KIF26B: variants seen among roughly 807,000 people sequenced by gnomAD.
KIF26B encodes the protein kinesin-like protein KIF26B.
A neutral mutation model predicts 151.2 loss-of-function variants in KIF26B; 63 were observed. The observed-to-expected ratio is 0.42, with a 90% confidence interval of 0.34 to 0.51. The LOEUF (loss-of-function observed/expected upper bound fraction) is 0.51, where lower values mean the gene tolerates loss of function less well. KIF26B is among the 20% of genes least tolerant of loss of function. The pLI is 0.07. For synonymous variants in KIF26B, 1,357 were observed against 1,262.1 expected (o/e 1.08, Z -1.59); for missense variants, 2,813 against 2,913.6 (o/e 0.97, Z 0.79).
At chr1:245,566,317 A>G (rs1013972800) in intron 5 of KIF26B, among the ~76,000 whole-genome samples, 1 of 152,164 alleles carries the variant, frequency 6.6e-6, no homozygotes, top group African/African-American at 2.4e-5. Context: ...TTTTCAGTTC[A>G]CACTTTATGC....
At chr1:245,622,297 C>T (rs1024537494) in intron 9 of KIF26B, among the ~76,000 whole-genome samples, 4 of 152,146 alleles carry the variant, frequency 2.6e-5, no homozygotes, top group African/African-American at 7.2e-5. Context: ...CATAGACGTG[C>T]CAGTAGCTGG....
chr1:245,535,255 T>A (rs890922514), intron 4 of KIF26B, among the ~76,000 whole-genome samples: 1 of 152,174 alleles, frequency 6.6e-6, no homozygotes, highest in Non-Finnish European at 1.5e-5. Context: ...TAAAAAAAGA[T>A]CAAACAGCTG....
At chr1:245,405,526 A>G (rs551940849) in intron 3 of KIF26B, among the ~76,000 whole-genome samples, 2 of 152,240 alleles carry the variant, frequency 1.3e-5, no homozygotes, top group South Asian at 4.2e-4. Context: ...ATTTGGGTAG[A>G]ACTGAGCCCC....
chr1:245,325,777 A>G (rs1221395457), intron 2 of KIF26B, among the ~76,000 whole-genome samples: 2 of 152,164 alleles, frequency 1.3e-5, no homozygotes, highest in South Asian at 2.1e-4. Context: ...AGGAACGTCA[A>G]TTCAATCCAA....
chr1:245,547,552 C>T (rs1036611478), intron 5 of KIF26B, among the ~76,000 whole-genome samples: 2 of 147,560 alleles, frequency 1.4e-5, no homozygotes, highest in African/African-American at 5.1e-5. Context: ...CACCACTGCA[C>T]TCCAGGCTGG....
At chr1:245,453,356 T>G (rs1466876993) in intron 4 of KIF26B, among the ~76,000 whole-genome samples, 1 of 152,130 alleles carries the variant, frequency 6.6e-6, no homozygotes, top group Non-Finnish European at 1.5e-5. Context: ...AATATAAAAT[T>G]TTCACATTTT....
intron 2 of KIF26B, among the ~76,000 whole-genome samples, chr1:245,232,937 C>G (rs1670028562): frequency 6.6e-6 from 1 of 152,208 alleles, no homozygotes; most frequent in Non-Finnish European, 1.5e-5. Context: ...AGTGAAGCCT[C>G]AGAATTCTAC....
At chr1:245,535,752 G>T (rs116622196) in intron 4 of KIF26B, among the ~76,000 whole-genome samples, 1 of 152,132 alleles carries the variant, frequency 6.6e-6, no homozygotes, top group Admixed American at 6.6e-5. Context: ...CCCCTATTCA[G>T]ATACAATACG....
chr1:245,368,434 C>T lies in KIF26B; in HGVS notation c.999+1067C>T, dbSNP rs375719486. ...ATTGACCGTCACTGGAATGGAGAGG[C>T]GGCCACGGTCAAGGGTGTATTACTC... On this transcript the variant is annotated intron_variant, in intron 3 of 14. Transcript: ENST00000407071. Among the ~76,000 whole-genome samples, 11 of 152,204 alleles carry T rather than the reference C, an allele frequency of 7.2e-5. 1 individual carries two copies. Among genetic ancestry groups the T allele is most frequent in the African/African-American group, 2.6e-4 (11 of 41,530 alleles).
At chr1:245,579,465 T>TGCACTGCAATTGTA (rs1285254295) in intron 5 of KIF26B, among the ~76,000 whole-genome samples, 1 of 152,010 alleles carries the variant, frequency 6.6e-6, no homozygotes, top group Non-Finnish European at 1.5e-5. Context: ...ACCACTGCAC[T>TGCACTGCAATTGTA]CCAGCCTGAG....
chr1:245,253,009 A>AC (rs1302226608), intron 2 of KIF26B, among the ~76,000 whole-genome samples: 46 of 135,264 alleles, frequency 3.4e-4, no homozygotes, highest in African/African-American at 1.2e-3. Context: ...TTTTTTCTTA[A>AC]TTTTTTTTTT....
intron 12 of KIF26B, among the ~76,000 whole-genome samples, chr1:245,689,866 T>C (rs1970457): frequency 1 from 151,617 of 152,286 alleles, 75,480 homozygotes; most frequent in East Asian, 1. Flanking sequence ...TCAGTCTTTG[T>C]CATTTTTAAG....
At position 245,156,587 on chromosome 1, in the gene KIF26B, G is replaced by T. The variant is rs562693918; in HGVS notation, c.369G>T (p.Ser123=). Residue 123 remains serine (S), a synonymous_variant, in exon 2 of 15, where the codon TCG becomes TCT. Coordinates refer to ENST00000407071, the MANE Select transcript of KIF26B (RefSeq NM_018012.4). Reference sequence around the variant, plus strand: ...GCGGCGGCGGCTCCTCCCCCGGCTCGGACCGCGGCGTCTGGTGCGAGAACT... The same window carrying T: ...GCGGCGGCGGCTCCTCCCCCGGCTCTGACCGCGGCGTCTGGTGCGAGAACT... ...SGSGGGSSPG[S]DRGVWCENCN... is the part of the protein sequence containing the mutation. 1 of 1,527,578 alleles carries T rather than the reference G, an allele frequency of 6.5e-7. No individual in the cohort carries two copies. The highest frequency in any genetic ancestry group is 8.7e-7 in the Non-Finnish European group (1 of 1,143,870). 94.6% of individuals were successfully genotyped at this position (1,527,578 alleles called of 1,614,324 possible).
chr1:245,157,549 A>C (rs1668466217), intron 2 of KIF26B, among the ~76,000 whole-genome samples: 1 of 152,240 alleles, frequency 6.6e-6, no homozygotes, highest in African/African-American at 2.4e-5. Context: ...GTAGGCGTTT[A>C]GGAATGACTG....
intron 2 of KIF26B, among the ~76,000 whole-genome samples, chr1:245,359,726 C>CTTCT (rs1448195634): frequency 6.6e-6 from 1 of 150,514 alleles, no homozygotes; most frequent in Non-Finnish European, 1.5e-5. Flanking sequence ...TCCTTCCTTC[C>CTTCT]GATATGGGTT....
chr1:245,594,206 C>G (rs539275679), intron 5 of KIF26B, among the ~76,000 whole-genome samples: 1 of 152,240 alleles, frequency 6.6e-6, no homozygotes, highest in Admixed American at 6.5e-5. Context: ...CTTTTGTTGC[C>G]ATTGCTTTTG....
chr1:245,364,671 C>T (rs879512484), intron 2 of KIF26B, among the ~76,000 whole-genome samples: 22 of 152,162 alleles, frequency 1.4e-4, no homozygotes, highest in East Asian at 1.9e-4. Flanking sequence ...CCGCCTGCCT[C>T]GGCCTCCCAA....
chr1:245,543,894 G>A (rs1309286702), intron 5 of KIF26B, among the ~76,000 whole-genome samples: 1 of 152,186 alleles, frequency 6.6e-6, no homozygotes, highest in African/African-American at 2.4e-5. Context: ...GTTGCAGTGA[G>A]CAGAGATCGC....
At chr1:245,566,726 G>A (rs12740794) in intron 5 of KIF26B, among the ~76,000 whole-genome samples, 20,559 of 152,080 alleles carry the variant, frequency 0.14, 1,769 homozygotes, top group Non-Finnish European at 0.19. Context: ...TCAGGAGTTC[G>A]AGACCAGCCT....
Sources: gnomAD v4.1 joint callset for allele counts (sites outside exome capture counted in the v4.1 genomes callset) on GRCh38, gnomAD v4.1.1 for gene constraint, MANE v1.5 for transcripts, NCBI Gene and HGNC (gene_info 2026-07-23, HGNC 2026-07-21) for gene names.